The following AGBL1 variants were observed in gnomAD, a reference collection of about 807,000 sequenced individuals.
AGBL1 encodes the protein AGBL carboxypeptidase 1.
A neutral mutation model predicts 118.9 loss-of-function variants in AGBL1; 130 were observed. The observed-to-expected ratio is 1.09, with a 90% confidence interval of 0.95 to 1.26. AGBL1 has a LOEUF of 1.26. AGBL1 is among the 50% of genes most tolerant of loss of function. AGBL1 has a pLI of 0.00. For synonymous variants in AGBL1, 555 were observed against 478.9 expected (o/e 1.16, Z -2.08); for missense variants, 1,584 against 1,298.1 (o/e 1.22, Z -3.38).
intron 5 of AGBL1, among the ~76,000 whole-genome samples, chr15:86,201,038 TA>T: frequency 6.6e-6 from 1 of 152,312 alleles, no homozygotes; most frequent in East Asian, 1.9e-4. Context: ...ATTATACTAA[TA>T]ATCATAAGTT....
intron 21 of AGBL1, among the ~76,000 whole-genome samples, chr15:86,584,604 T>G (rs2084219676): frequency 6.6e-6 from 1 of 152,150 alleles, no homozygotes; most frequent in Admixed American, 6.6e-5. Flanking sequence ...CAGTATGAAG[T>G]CTGATAATGT....
chr15:86,750,341 A>G (rs1417004892), intron 22 of AGBL1, among the ~76,000 whole-genome samples: 2 of 152,032 alleles, frequency 1.3e-5, no homozygotes, highest in Non-Finnish European at 2.9e-5. Context: ...ATACCTGTAT[A>G]CAATGTGTAA....
At chr15:86,778,014 A>C (rs1312917965) in intron 22 of AGBL1, among the ~76,000 whole-genome samples, 2 of 152,164 alleles carry the variant, frequency 1.3e-5, no homozygotes, top group African/African-American at 4.8e-5. Context: ...CCTAAGGGTC[A>C]GCCGGTCTGA....
chr15:86,959,360 CA>C (rs1290409646), intron 23 of AGBL1, among the ~76,000 whole-genome samples: 1 of 152,042 alleles, frequency 6.6e-6, no homozygotes, highest in Non-Finnish European at 1.5e-5. Flanking sequence ...CCTAAGAACC[CA>C]AATGCATGCC....
chr15:86,540,601 CTA>C (rs2083481443), intron 19 of AGBL1, among the ~76,000 whole-genome samples: 2 of 151,944 alleles, frequency 1.3e-5, no homozygotes, highest in Non-Finnish European at 2.9e-5. Flanking sequence ...AAAAATAGGG[CTA>C]TTGATTAACC....
chr15:86,482,320 T>C (rs1475254865), intron 18 of AGBL1, among the ~76,000 whole-genome samples: 3 of 152,170 alleles, frequency 2.0e-5, no homozygotes, highest in Non-Finnish European at 4.4e-5. Context: ...TGGTTATTAA[T>C]TATTGTTATT....
chr15:86,179,383 C>T (rs1437048010), intron 5 of AGBL1, among the ~76,000 whole-genome samples: 4 of 152,042 alleles, frequency 2.6e-5, no homozygotes, highest in Admixed American at 1.3e-4. Context: ...ATATTTGTTG[C>T]AAGAATGCAA....
intron 23 of AGBL1, among the ~76,000 whole-genome samples, chr15:86,937,465 C>T (rs901670875): frequency 2.0e-5 from 3 of 152,142 alleles, no homozygotes; most frequent in Non-Finnish European, 2.9e-5. Context: ...TACTATGCAG[C>T]CATGAAAAGG....
intron 18 of AGBL1, among the ~76,000 whole-genome samples, chr15:86,444,718 A>G (rs2082101282): frequency 6.6e-6 from 1 of 152,184 alleles, no homozygotes; most frequent in Admixed American, 6.5e-5. Flanking sequence ...CACCAGGGCC[A>G]GCACCTCACA....
At chr15:86,743,662 G>A (rs572521216) in intron 22 of AGBL1, among the ~76,000 whole-genome samples, 1 of 152,102 alleles carries the variant, frequency 6.6e-6, no homozygotes, top group Non-Finnish European at 1.5e-5. Context: ...GAGGGCTAAT[G>A]TAGGCCCAAG....
At chr15:86,959,114 T>C (rs1455778214) in intron 23 of AGBL1, among the ~76,000 whole-genome samples, 3 of 152,142 alleles carry the variant, frequency 2.0e-5, no homozygotes, top group African/African-American at 7.2e-5. Flanking sequence ...CAGATGTACT[T>C]AAGTCGTTAA....
chr15:86,308,730 A>G (rs77071014), intron 17 of AGBL1, among the ~76,000 whole-genome samples: 4,297 of 152,278 alleles, frequency 0.028, 99 homozygotes, highest in East Asian at 0.054. Context: ...TCAATTGACC[A>G]CATATGCATG....
chr15:86,613,682 TG>T lies in AGBL1; in HGVS notation c.2994+59146del, dbSNP rs1249735732. On this transcript the variant is annotated intron_variant, in intron 21 of 22. Coordinates refer to ENST00000614907, the MANE Select transcript of AGBL1 (RefSeq NM_001386094.1). This position sits in a 1 kb window ranked among gnomAD's most constrained non-coding sequence, Gnocchi z 4.2. ...AAAGAGGGCATTTTCTATTGAGGGA[TG>T]AAAACAAATGTTGGTTAAAGCCCAA... Among the ~76,000 whole-genome samples the T allele has an allele frequency of 6.6e-6, 1 of 152,140 alleles. No individual in the cohort carries two copies. Among genetic ancestry groups the T allele is most frequent in the Non-Finnish European group, 1.5e-5 (1 of 68,020 alleles).
chr15:86,449,587 C>T (rs970293737), intron 18 of AGBL1, among the ~76,000 whole-genome samples: 5 of 152,214 alleles, frequency 3.3e-5, no homozygotes, highest in African/African-American at 9.6e-5. Flanking sequence ...ATTTTACCTA[C>T]CACACAGGCT....
intron 21 of AGBL1, among the ~76,000 whole-genome samples, chr15:86,668,220 A>AT (rs2085681690): frequency 2.0e-5 from 3 of 152,198 alleles, no homozygotes; most frequent in Non-Finnish European, 4.4e-5. Context: ...TTTGGAGGGG[A>AT]TAAATATCCA....
intron 22 of AGBL1, among the ~76,000 whole-genome samples, chr15:86,834,083 T>A (rs1487746300): frequency 6.6e-6 from 1 of 152,110 alleles, no homozygotes; most frequent in Non-Finnish European, 1.5e-5. Flanking sequence ...CTTTGATCAC[T>A]ATGAGGCATT....
chr15:86,314,968 C>T (rs951231979), intron 17 of AGBL1, among the ~76,000 whole-genome samples: 1 of 152,160 alleles, frequency 6.6e-6, no homozygotes, highest in Non-Finnish European at 1.5e-5. Flanking sequence ...GCTTCGGGTT[C>T]CTTATCTGTA....
intron 24 of AGBL1, among the ~76,000 whole-genome samples, chr15:86,993,251 G>GTT (rs2081350247): frequency 6.6e-6 from 1 of 152,092 alleles, no homozygotes; most frequent in South Asian, 2.1e-4. Context: ...TTTTCTCCTT[G>GTT]TAACCCCAGT....
At chr15:86,369,120 C>T (rs2080932961) in intron 17 of AGBL1, among the ~76,000 whole-genome samples, 1 of 152,046 alleles carries the variant, frequency 6.6e-6, no homozygotes, top group African/African-American at 2.4e-5. Flanking sequence ...GGATGCACTT[C>T]AGCAAGAAGA....
Sources: allele counts gnomAD v4.1 joint callset (sites outside exome capture counted in the v4.1 genomes callset), GRCh38; gene constraint gnomAD v4.1.1; non-coding constraint Gnocchi (gnomAD v3.1); transcripts MANE v1.5; gene names NCBI Gene and HGNC (gene_info 2026-07-23, HGNC 2026-07-21).